The following LUZP2 variants were observed in gnomAD, a reference collection of about 807,000 sequenced individuals.
LUZP2 encodes the protein leucine zipper protein 2.
LUZP2 carries 52 observed loss-of-function variants against 51.6 expected under a neutral mutation model. The ratio of observed to expected loss-of-function variants is 1.01; its 90% CI spans 0.81 to 1.27. The LOEUF (loss-of-function observed/expected upper bound fraction) is 1.27, where lower values mean the gene tolerates loss of function less well. Ranked by LOEUF, LUZP2 falls within the 50% of genes most tolerant of loss-of-function variation. LUZP2 has a pLI of 0.00. For missense variants in LUZP2, 436 were observed against 395.4 expected (o/e 1.10, Z -0.87); for synonymous variants, 154 against 137.3 (o/e 1.12, Z -0.85).
At chr11:24,980,570 C>A (rs1207082896) in intron 8 of LUZP2, among the ~76,000 whole-genome samples, 1 of 151,242 alleles carries the variant, frequency 6.6e-6, no homozygotes, top group African/African-American at 2.4e-5. Flanking sequence ...ACTGATGATG[C>A]CACAGATAGG....
chr11:24,722,685 AG>A (rs1345377668), intron 1 of LUZP2, among the ~76,000 whole-genome samples: 1 of 152,142 alleles, frequency 6.6e-6, no homozygotes, highest in Non-Finnish European at 1.5e-5. Flanking sequence ...TGGGAGGCCA[AG>A]GCAGGAGGAT....
chr11:25,043,169 T>A, intron 9 of LUZP2, among the ~76,000 whole-genome samples: 1 of 152,126 alleles, frequency 6.6e-6, no homozygotes, highest in Non-Finnish European at 1.5e-5. Context: ...TTCTGTTGTT[T>A]TAAGCCACTC....
At chr11:24,801,871 T>A (rs553780385) in intron 5 of LUZP2, among the ~76,000 whole-genome samples, 378 of 151,530 alleles carry the variant, frequency 2.5e-3, no homozygotes, top group Non-Finnish European at 4.7e-3. Flanking sequence ...TAAACAGTTA[T>A]GAGCTTGTTC....
At chr11:24,537,556 T>A (rs1020434518) in intron 1 of LUZP2, among the ~76,000 whole-genome samples, 3 of 151,924 alleles carry the variant, frequency 2.0e-5, no homozygotes, top group African/African-American at 7.2e-5. Context: ...AAAACACATA[T>A]ATATTCAAAT....
In LUZP2 at chr11:24,763,226, A is replaced by C. The variant is rs762387872; in HGVS notation, c.334-20A>C. The C allele has an allele frequency of 8.5e-7, 1 of 1,180,042 alleles. No individual in the cohort carries two copies. Among genetic ancestry groups the C allele is most frequent in the East Asian group, 2.7e-5 (1 of 37,086 alleles). The allele number at this position is 1,180,042 out of a possible 1,614,324, so 73.1% of individuals were successfully genotyped here. A position where few individuals can be genotyped will look rare whatever the true frequency, so the allele number is the denominator to read the frequency against. ...TAATGAGTTTGGAATGTGTCTACAT[A>C]ATAGTCTATTCATTTTCAGATTAAT... is the stretch of plus-strand genomic sequence containing the variant. On this transcript the variant is annotated intron_variant, in intron 4 of 11. Transcript: ENST00000336930.
intron 7 of LUZP2, among the ~76,000 whole-genome samples, chr11:24,957,823 A>G (rs1855253987): frequency 6.6e-6 from 1 of 152,054 alleles, no homozygotes. Flanking sequence ...TTACATATGT[A>G]TACATGTGCC....
intron 5 of LUZP2, among the ~76,000 whole-genome samples, chr11:24,796,478 T>A (rs1023951169): frequency 1.4e-5 from 2 of 144,068 alleles, no homozygotes; most frequent in Non-Finnish European, 3.0e-5. Flanking sequence ...TAATTTTGTA[T>A]GGTAATAATA....
At chr11:24,774,302 T>C (rs1469425284) in intron 5 of LUZP2, among the ~76,000 whole-genome samples, 1 of 146,616 alleles carries the variant, frequency 6.8e-6, no homozygotes, top group Non-Finnish European at 1.5e-5. Context: ...CCTGTGATTG[T>C]GTGAGTTAAT....
intron 1 of LUZP2, among the ~76,000 whole-genome samples, chr11:24,674,488 G>A (rs564245837): frequency 1.3e-5 from 2 of 152,238 alleles, no homozygotes; most frequent in South Asian, 2.1e-4. Flanking sequence ...CAAAAATAAG[G>A]TGAAGGAAAA....
chr11:24,502,974 T>C (rs775894164), intron 1 of LUZP2, among the ~76,000 whole-genome samples: 41 of 152,176 alleles, frequency 2.7e-4, no homozygotes, highest in Non-Finnish European at 4.7e-4. Context: ...ACCAGCAACA[T>C]TTAAAAGGTA....
intron 9 of LUZP2, among the ~76,000 whole-genome samples, chr11:24,984,101 T>C (rs1377744016): frequency 6.6e-6 from 1 of 151,720 alleles, no homozygotes; most frequent in Non-Finnish European, 1.5e-5. Flanking sequence ...AAAGATCTAG[T>C]TCTCTGATCA....
chr11:24,743,493 T>C (rs1346712148), intron 4 of LUZP2, among the ~76,000 whole-genome samples: 1 of 152,108 alleles, frequency 6.6e-6, no homozygotes, highest in African/African-American at 2.4e-5. Flanking sequence ...CTCCACTTGG[T>C]CGCTGTTGGT....
chr11:24,790,782 G>T (rs910601779), intron 5 of LUZP2, among the ~76,000 whole-genome samples: 1 of 152,036 alleles, frequency 6.6e-6, no homozygotes, highest in African/African-American at 2.4e-5. Flanking sequence ...GATTACAGAC[G>T]TGAGCCATCA....
intron 7 of LUZP2, among the ~76,000 whole-genome samples, chr11:24,924,513 T>C (rs1197292403): frequency 1.3e-5 from 2 of 152,190 alleles, no homozygotes; most frequent in Non-Finnish European, 2.9e-5. Flanking sequence ...TTTATGATCC[T>C]TTTTCCTGGA....
intron 1 of LUZP2, among the ~76,000 whole-genome samples, chr11:24,686,009 T>C (rs571949279): frequency 6.6e-6 from 1 of 152,278 alleles, no homozygotes; most frequent in South Asian, 2.1e-4. Context: ...GACACTCTTA[T>C]ATAGTGTTGT....
At chr11:24,877,153 G>A (rs534634884) in intron 5 of LUZP2, among the ~76,000 whole-genome samples, 2 of 152,206 alleles carry the variant, frequency 1.3e-5, no homozygotes, top group African/African-American at 4.8e-5. Flanking sequence ...TATCATACTT[G>A]CAAAATGATC....
At position 25,065,896 on chromosome 11, in the gene LUZP2, C is replaced by T. The variant is rs146669280; in HGVS notation, c.859-11433C>T. Among the ~76,000 whole-genome samples the T allele has an allele frequency of 5.4e-3, 823 of 152,098 alleles. 8 individuals are homozygous for T. Among genetic ancestry groups the T allele is most frequent in the African/African-American group, 0.019 (780 of 41,528 alleles). Reference sequence around the variant, plus strand: ...TTCATCAAAGTTAATCTGATGACTACGTTCTATGACACATCTTATTTGTTT... The same window carrying T: ...TTCATCAAAGTTAATCTGATGACTATGTTCTATGACACATCTTATTTGTTT... On this transcript the variant is annotated intron_variant, in intron 10 of 11. Transcript: ENST00000336930.
intron 9 of LUZP2, among the ~76,000 whole-genome samples, chr11:25,044,034 G>C (rs1342027622): frequency 2.5e-4 from 16 of 62,978 alleles, no homozygotes; most frequent in African/African-American, 1.1e-3. Context: ...TATATATAGA[G>C]TCTATATATA....
At chr11:24,599,864 C>G (rs1323529452) in intron 1 of LUZP2, among the ~76,000 whole-genome samples, 2 of 152,032 alleles carry the variant, frequency 1.3e-5, no homozygotes, top group Non-Finnish European at 2.9e-5. Context: ...TGTAACATTG[C>G]AATTTTTCAC....
Sources: gnomAD v4.1 joint callset for allele counts (sites outside exome capture counted in the v4.1 genomes callset) on GRCh38, gnomAD v4.1.1 for gene constraint, MANE v1.5 for transcripts, NCBI Gene and HGNC (gene_info 2026-07-23, HGNC 2026-07-21) for gene names.